The following CAMSAP1 variants were observed in gnomAD, a reference collection of about 807,000 sequenced individuals.
CAMSAP1 encodes the protein calmodulin-regulated spectrin-associated protein 1.
In CAMSAP1, 58 loss-of-function variants were observed where a neutral mutation model predicts 143.5. The observed-to-expected ratio is 0.40, with a 90% CI of 0.33 to 0.50. CAMSAP1 has a LOEUF of 0.50. CAMSAP1 is among the 20% of genes least tolerant of loss of function. CAMSAP1 has a pLI of 0.45. For synonymous variants in CAMSAP1, 945 were observed against 859.3 expected, an observed-to-expected ratio of 1.10 and a Z score of -1.74; for missense variants, 1,969 against 2,115.7, an observed-to-expected ratio of 0.93 and a Z score of 1.36.
chr9:135,881,828 A>G (rs1236427729), intron 2 of CAMSAP1, 34 bp from the exon 3 acceptor site: 1 of 1,547,792 alleles, frequency 6.5e-7, no homozygotes, highest in South Asian at 1.2e-5. Flanking sequence ...AATCCCTCAA[A>G]CCCACCCCTC....
At chr9:135,825,725 T>G (rs1358646717) in intron 8 of CAMSAP1, among the ~76,000 whole-genome samples, 1 of 151,718 alleles carries the variant, frequency 6.6e-6, no homozygotes. Context: ...TGGGGAGAAT[T>G]TGGTAAAGGG....
rs764039971 is a variant in CAMSAP1 at position 135,822,801 on chromosome 9, C to T, written c.1860G>A (p.Pro620=). 1.4e-5 allele frequency: 23 copies of T among 1,613,826 alleles called. No individual in the cohort carries two copies. Among genetic ancestry groups the T allele is most frequent in the East Asian group, 2.2e-5 (1 of 44,888 alleles). Residue 620 remains proline, a synonymous_variant, in exon 11 of 17, where the codon CCG becomes CCA. Transcript: ENST00000389532. The surrounding 1 kb of genome is among the most constrained non-coding windows in gnomAD (Gnocchi z 6.1). ...TGGGCCTCCTAGACACGATGCTCCT[C>T]GGTCTCCCTTCCCCCCGTTCATCCT... ...TKEDERGEGR[P]RSIVSRRPSE... is the part of the protein sequence containing the mutation.
chr9:135,841,869 G>A (rs1264965755), intron 7 of CAMSAP1, among the ~76,000 whole-genome samples: 1 of 152,192 alleles, frequency 6.6e-6, no homozygotes, highest in African/African-American at 2.4e-5. Context: ...ACCAAAGGTA[G>A]ATAAATCCAC....
At chr9:135,902,562 C>G (rs776230974) in intron 1 of CAMSAP1, among the ~76,000 whole-genome samples, 2 of 152,204 alleles carry the variant, frequency 1.3e-5, no homozygotes, top group Non-Finnish European at 2.9e-5. Flanking sequence ...TGGCGACCCT[C>G]TGGAGTTGAT....
In CAMSAP1 at chr9:135,819,151, A is replaced by C; in HGVS notation, c.3823-5T>G. 6.2e-7 allele frequency: 1 copy of C among 1,600,228 alleles called. No individual in the cohort carries two copies. Among genetic ancestry groups the C allele is most frequent in the Non-Finnish European group, 8.5e-7 (1 of 1,174,932 alleles). On this transcript the variant is annotated splice_polypyrimidine_tract_variant and splice_region_variant and intron_variant, in intron 11 of 16. Coordinates refer to ENST00000389532, the MANE Select transcript of CAMSAP1 (RefSeq NM_015447.4). ...ATCTTCCGCTTTCTGTTCATCCTGC[A>C]AGACAGAGGCCACACAGAGCATGAC...
chr9:135,833,356 C>T (rs532604351), intron 7 of CAMSAP1, among the ~76,000 whole-genome samples: 3 of 152,202 alleles, frequency 2.0e-5, no homozygotes, highest in African/African-American at 7.2e-5. Flanking sequence ...GCTGGGATTA[C>T]AGGCGTGAGC....
chr9:135,823,395 C>T, intron 10 of CAMSAP1, 135 bp from the exon 11 acceptor site: 1 of 998,344 alleles, frequency 1.0e-6, no homozygotes, highest in Non-Finnish European at 1.4e-6. Flanking sequence ...CTCACTCTTC[C>T]ACAGAGCAGA....
chr9:135,854,818 T>C (rs2130913783), intron 5 of CAMSAP1, among the ~76,000 whole-genome samples: 1 of 152,280 alleles, frequency 6.6e-6, no homozygotes, highest in Non-Finnish European at 1.5e-5. Context: ...CCTTGTTACA[T>C]AGGTAACCTC....
chr9:135,904,292 G>A (rs897786490), intron 1 of CAMSAP1, among the ~76,000 whole-genome samples: 9 of 151,638 alleles, frequency 5.9e-5, no homozygotes, highest in African/African-American at 9.7e-5. Flanking sequence ...CCAACTACTC[G>A]GGAGGCTGAG....
rs773526909 is a variant in CAMSAP1 at position 135,882,971 on chromosome 9, G to A, written c.268C>T (p.Arg90Cys). Residue 90 changes from arginine (R) to cysteine (C), a missense_variant, in exon 2 of 17, where the codon CGT becomes TGT. Coordinates refer to ENST00000389532, the MANE Select transcript of CAMSAP1 (RefSeq NM_015447.4). The surrounding 1 kb of genome is among the most constrained non-coding windows in gnomAD (Gnocchi z 4.9). Reference protein sequence around the residue: ...KLLLSSELYCRVCSLILKGDQ... With the variant: ...KLLLSSELYCCVCSLILKGDQ... ...CCTTTCAGGATGAGGCTGCAGACAC[G>A]GCAGTACAGCTCGCTGGACAGGAGA... 5.9e-5 allele frequency: 92 copies of A among 1,551,636 alleles called. No homozygotes were observed. In the East Asian group the frequency reaches 1.3e-3, roughly 23 times the overall value.
At chr9:135,842,048 C>T (rs112287279) in intron 7 of CAMSAP1, among the ~76,000 whole-genome samples, 2,173 of 152,184 alleles carry the variant, frequency 0.014, 59 homozygotes, top group African/African-American at 0.048. Context: ...TAACAAATTC[C>T]TCTGAGCTAA....
intron 5 of CAMSAP1, among the ~76,000 whole-genome samples, chr9:135,852,237 G>C (rs1003902759): frequency 1.3e-5 from 2 of 152,174 alleles, no homozygotes; most frequent in Non-Finnish European, 1.5e-5. Flanking sequence ...GAAAGGACTG[G>C]ATGACAGTCC....
rs1283420855 is a variant in CAMSAP1, at chr9:135,882,129, G to A, written c.424-335C>T. 6.6e-6 allele frequency among the ~76,000 whole-genome samples: 1 copy of A among 152,186 alleles called. No homozygotes were observed. The highest frequency in any genetic ancestry group is 1.5e-5 in the Non-Finnish European group (1 of 68,034). On this transcript the variant is annotated intron_variant, in intron 2 of 16. Transcript: ENST00000389532. The surrounding 1 kb of genome is among the most constrained non-coding windows in gnomAD (Gnocchi z 4.9). ...CCCAGGAAAGGCGGTGCAGCTCCCA[G>A]GTCGTGGTTGTGGGAAGGCAGACAG...
chr9:135,823,137 A>G lies in CAMSAP1; in HGVS notation c.1524T>C (p.Ile508=), dbSNP rs1241755003. 6.2e-7 allele frequency: 1 copy of G among 1,613,432 alleles called. No homozygotes were observed. The part of the protein sequence containing the change: ...SISKDSLASN[I]VNLTPQNQPH... ...GCTGGTTCTGTGGGGTCAGATTAAC[A>G]ATGTTGGATGCCAAACTGTCTTTGC... Residue 508 remains isoleucine (I), a synonymous_variant, in exon 11 of 17, where the codon ATT becomes ATC. Coordinates refer to ENST00000389532, the MANE Select transcript of CAMSAP1 (RefSeq NM_015447.4).
chr9:135,810,757 T>A lies in CAMSAP1; in HGVS notation c.*552A>T, dbSNP rs1835017819. Reference sequence around the variant, plus strand: ...AAATGTTGGCAGTAGACACAACCAATAAATATCATACAATTTCTCAAATGA... The same window carrying A: ...AAATGTTGGCAGTAGACACAACCAAAAAATATCATACAATTTCTCAAATGA... On this transcript the variant is annotated 3_prime_UTR_variant, in exon 17 of 17. Transcript: ENST00000389532. 1 of 153,096 alleles carries A rather than the reference T, an allele frequency of 6.5e-6. No homozygotes were observed. The highest frequency in any genetic ancestry group is 2.4e-5 in the African/African-American group (1 of 41,430). The allele number at this position is 153,096 out of a possible 1,614,324, so 9.5% of individuals were successfully genotyped here.
At position 135,811,244 on chromosome 9, in the gene CAMSAP1, G is replaced by A. The variant is rs2131630139; in HGVS notation, c.*65C>T. 1 of 1,535,708 alleles carries A rather than the reference G, an allele frequency of 6.5e-7. No homozygotes were observed. The highest frequency in any genetic ancestry group is 8.8e-7 in the Non-Finnish European group (1 of 1,134,804). ...AATAAGGACCCCGTGGCACCCTCTG[G>A]ATGCCAGCCACAAGGGCATCATTTA... On this transcript the variant is annotated 3_prime_UTR_variant, in exon 17 of 17. Transcript: ENST00000389532. The surrounding 1 kb of genome is among the most constrained non-coding windows in gnomAD (Gnocchi z 4.9).
chr9:135,899,596 T>C (rs1200973821), intron 1 of CAMSAP1, among the ~76,000 whole-genome samples: 1 of 152,104 alleles, frequency 6.6e-6, no homozygotes, highest in East Asian at 1.9e-4. Context: ...AATCTACGAA[T>C]CAGCCACTCA....
intron 1 of CAMSAP1, among the ~76,000 whole-genome samples, chr9:135,887,540 G>C (rs1201117070): frequency 1.3e-5 from 2 of 152,226 alleles, no homozygotes; most frequent in African/African-American, 4.8e-5. Context: ...GGCTGAAGAG[G>C]AGGAGGCTGC....
intron 7 of CAMSAP1, among the ~76,000 whole-genome samples, chr9:135,833,583 T>C (rs1045558453): frequency 6.6e-6 from 1 of 152,190 alleles, no homozygotes; most frequent in Non-Finnish European, 1.5e-5. Flanking sequence ...CTTCAATAAA[T>C]GTTGTTGGGA....
Sources: allele counts gnomAD v4.1 joint callset (sites outside exome capture counted in the v4.1 genomes callset), GRCh38; gene constraint gnomAD v4.1.1; non-coding constraint Gnocchi (gnomAD v3.1); transcripts MANE v1.5; gene names NCBI Gene and HGNC (gene_info 2026-07-23, HGNC 2026-07-21).